DIP2C: variants seen among roughly 807,000 people sequenced by gnomAD.
The protein encoded by DIP2C is disco-interacting protein 2 homolog C.
Under a neutral mutation model 192.4 loss-of-function variants are expected in DIP2C, and 33 were observed. The observed-to-expected ratio is 0.17, with a 90% CI of 0.13 to 0.23. The LOEUF is 0.23. DIP2C is among the 10% of genes least tolerant of loss of function. The pLI is 1.00. For synonymous variants in DIP2C, 979 were observed against 864.1 expected, an observed-to-expected ratio of 1.13 and a Z score of -2.33; for missense variants, 1,537 against 2,110.1, an observed-to-expected ratio of 0.73 and a Z score of 5.32.
rs1856034966 is a variant in DIP2C at position 652,910 on chromosome 10, C to T, written c.85+36584G>A. 6.6e-6 allele frequency among the ~76,000 whole-genome samples: 1 copy of T among 152,056 alleles called. No individual in the cohort carries two copies. Among genetic ancestry groups the T allele is most frequent in the Non-Finnish European group, 1.5e-5 (1 of 68,014 alleles). ...CCCTGCTCTCCTTCCTCCCCGCCCA[C>T]AGCTACCTCGCAGCAGCCACACACT... On this transcript the variant is annotated intron_variant, in intron 1 of 36. Coordinates refer to ENST00000280886, the MANE Select transcript of DIP2C (RefSeq NM_014974.3). This position sits in a 1 kb window ranked among gnomAD's most constrained non-coding sequence, Gnocchi z 4.5.
intron 3 of DIP2C, among the ~76,000 whole-genome samples, chr10:453,106 A>G (rs1433877691): frequency 1.3e-5 from 2 of 152,270 alleles, no homozygotes; most frequent in African/African-American, 4.8e-5. Context: ...AGGTTGCTAC[A>G]AAACAAATAT....
chr10:281,499 C>T (rs892248529), intron 35 of DIP2C, among the ~76,000 whole-genome samples, 176 bp from the exon 36 acceptor site: 7 of 152,260 alleles, frequency 4.6e-5, no homozygotes, highest in African/African-American at 1.2e-4. Flanking sequence ...GGCAAGTGCT[C>T]GGCTCGTGTG....
intron 1 of DIP2C, among the ~76,000 whole-genome samples, chr10:607,489 T>C (rs749543229): frequency 1.3e-5 from 2 of 152,212 alleles, no homozygotes; most frequent in Non-Finnish European, 2.9e-5. Context: ...TTAAATGGTA[T>C]CTATGAGATC....
chr10:636,440 G>T lies in DIP2C; in HGVS notation c.85+53054C>A, dbSNP rs1219085645. 1.3e-5 allele frequency among the ~76,000 whole-genome samples: 2 copies of T among 152,144 alleles called. No homozygotes were observed. The highest frequency in any genetic ancestry group is 2.4e-5 in the African/African-American group (1 of 41,434). On this transcript the variant is annotated intron_variant, in intron 1 of 36. Coordinates refer to ENST00000280886, the MANE Select transcript of DIP2C (RefSeq NM_014974.3). The surrounding 1 kb of genome is among the most constrained non-coding windows in gnomAD (Gnocchi z 4.6). ...TCTCTCTCTCTGTAGATTATACAGA[G>T]AGACAGATTCGTTTCTCCTCTGGAG...
At chr10:593,157 C>T (rs1360075750) in intron 1 of DIP2C, among the ~76,000 whole-genome samples, 8 of 152,048 alleles carry the variant, frequency 5.3e-5, no homozygotes, top group Non-Finnish European at 1.0e-4. Flanking sequence ...TCTCCTCTGC[C>T]GCCTTCCTGC....
intron 1 of DIP2C, among the ~76,000 whole-genome samples, chr10:660,917 TAC>T (rs1450384597): frequency 6.6e-6 from 1 of 152,082 alleles, no homozygotes; most frequent in African/African-American, 2.4e-5. Flanking sequence ...ATCACAAAAA[TAC>T]AGAGCTCCAA....
At chr10:329,052 G>A (rs1428655249) in intron 30 of DIP2C, among the ~76,000 whole-genome samples, 4 of 152,098 alleles carry the variant, frequency 2.6e-5, no homozygotes, top group South Asian at 2.1e-4. Flanking sequence ...AAAAGTGAGC[G>A]GCTAAATTCA....
At chr10:468,628 C>T (rs747267089) in intron 3 of DIP2C, among the ~76,000 whole-genome samples, 47 of 152,172 alleles carry the variant, frequency 3.1e-4, no homozygotes, top group African/African-American at 5.1e-4. Flanking sequence ...GGCATGGTGG[C>T]GCATGCCTGT....
At chr10:564,308 C>T (rs370057276) in intron 1 of DIP2C, among the ~76,000 whole-genome samples, 3 of 152,020 alleles carry the variant, frequency 2.0e-5, no homozygotes, top group African/African-American at 7.3e-5. Context: ...ATCTCTCCAG[C>T]CCACAGCTCC....
Position 571,375 on chromosome 10 carries a change from A to G in DIP2C, c.86-84845T>C, listed in dbSNP as rs568967059. The stretch of plus-strand genomic sequence containing the variant: ...GCCAGGCCGCCTCTCCTGGAAAATC[A>G]GCTGTGACGCACCCGCGAGGGTCGG... On this transcript the variant is annotated intron_variant, in intron 1 of 36. Coordinates refer to ENST00000280886, the MANE Select transcript of DIP2C (RefSeq NM_014974.3). 2.3e-3 allele frequency among the ~76,000 whole-genome samples: 357 copies of G among 152,138 alleles called. 1 individual carries two copies. The highest frequency in any genetic ancestry group is 0.01 in the Middle Eastern group (3 of 294).
intron 4 of DIP2C, among the ~76,000 whole-genome samples, chr10:440,395 A>G (rs930778153): frequency 6.6e-6 from 1 of 152,226 alleles, no homozygotes; most frequent in African/African-American, 2.4e-5. Flanking sequence ...AGGAACTAAA[A>G]TACTATCTGG....
chr10:569,485 A>G (rs1439329684), intron 1 of DIP2C, among the ~76,000 whole-genome samples: 1 of 152,222 alleles, frequency 6.6e-6, no homozygotes, highest in Non-Finnish European at 1.5e-5. Context: ...TGAGAAAATG[A>G]ACTAGCTCAA....
In DIP2C at chr10:276,375, G is replaced by C. The variant is rs564498695; in HGVS notation, c.*950C>G. 2 of 152,652 alleles carry C rather than the reference G, an allele frequency of 1.3e-5. No individual in the cohort carries two copies. Among genetic ancestry groups the C allele is most frequent in the African/African-American group, 2.4e-5 (1 of 41,454 alleles). 9.5% of individuals were successfully genotyped at this position (152,652 alleles called of 1,614,324 possible). A position where few individuals can be genotyped will look rare whatever the true frequency, so the allele number is the denominator to read the frequency against. The stretch of plus-strand genomic sequence containing the variant: ...GCTGGCAACAGCAGAGTGTATGTGA[G>C]TACGGGGGGCACACCATGCAAGTGA... On this transcript the variant is annotated 3_prime_UTR_variant, in exon 37 of 37. Transcript: ENST00000280886.
intron 1 of DIP2C, among the ~76,000 whole-genome samples, chr10:545,166 C>CTTTTTTTTTTTTTTTTT (rs60185327): frequency 2.3e-5 from 2 of 86,338 alleles, no homozygotes; most frequent in Admixed American, 1.4e-4. Flanking sequence ...GGTGTTTTCC[C>CTTTTTTTTTTTTTTTTT]TTTTTTTTTT....
At chr10:558,346 G>A (rs150110191) in intron 1 of DIP2C, among the ~76,000 whole-genome samples, 3,214 of 152,310 alleles carry the variant, frequency 0.021, 68 homozygotes, top group Non-Finnish European at 0.031. Context: ...GAGGACTCGA[G>A]TCATGTGTGT....
intron 10 of DIP2C, among the ~76,000 whole-genome samples, chr10:397,043 T>C (rs949390463): frequency 6.6e-6 from 1 of 152,188 alleles, no homozygotes; most frequent in Non-Finnish European, 1.5e-5. Flanking sequence ...AAGGGGAAGT[T>C]TGAAATGCAA....
At chr10:499,793 T>C (rs1374980068) in intron 1 of DIP2C, among the ~76,000 whole-genome samples, 4 of 152,222 alleles carry the variant, frequency 2.6e-5, no homozygotes, top group Admixed American at 6.5e-5. Context: ...CCAAACCGTA[T>C]CATGGGCTTT....
At position 588,582 on chromosome 10, in the gene DIP2C, T is replaced by TC. The variant is rs1345281689; in HGVS notation, c.85+100911dup. Among the ~76,000 whole-genome samples the TC allele has an allele frequency of 2.6e-5, 4 of 152,228 alleles. No homozygotes were observed. The Middle Eastern group carries it at 0.01, about 388-fold the overall frequency. On this transcript the variant is annotated intron_variant, in intron 1 of 36. Transcript: ENST00000280886. ...GGCCCTATCAGGACAGTAACAGAGG[T>TC]CCCGGCAGAGGTCCCAGGAGGCAAG...
intron 1 of DIP2C, among the ~76,000 whole-genome samples, chr10:612,369 G>A (rs1162067435): frequency 6.6e-6 from 1 of 152,028 alleles, no homozygotes; most frequent in East Asian, 1.9e-4. Flanking sequence ...AAAATAATAT[G>A]AAAGCATGTG....
Sources: allele counts gnomAD v4.1 joint callset (sites outside exome capture counted in the v4.1 genomes callset), GRCh38; gene constraint gnomAD v4.1.1; non-coding constraint Gnocchi (gnomAD v3.1); transcripts MANE v1.5; gene names NCBI Gene and HGNC (gene_info 2026-07-23, HGNC 2026-07-21).